ALOX5: variants seen among roughly 807,000 people sequenced by gnomAD.
The protein encoded by ALOX5 is polyunsaturated fatty acid 5-lipoxygenase.
ALOX5 carries 64 observed loss-of-function variants against 87.9 expected under a neutral mutation model. The observed-to-expected ratio is 0.73, with a 90% CI of 0.60 to 0.90. ALOX5 has a LOEUF of 0.90. Among genes scored for constraint, ALOX5 ranks in the 40% least tolerant of loss-of-function variants. ALOX5 has a pLI of 0.00. For synonymous variants in ALOX5, 388 were observed against 355.1 expected (o/e 1.09, Z -1.04); for missense variants, 822 against 907.5 (o/e 0.91, Z 1.21).
rs150080315 is a variant in ALOX5, at chr10:45,395,546, G to A, written c.350-309G>A. On this transcript the variant is annotated intron_variant, in intron 2 of 13. Coordinates refer to ENST00000374391, the MANE Select transcript of ALOX5 (RefSeq NM_000698.5). Reference sequence around the variant, plus strand: ...GGTGCAGCACACCAACATGACACATGTATACATATGTAACAAACCTGCACG... The same window carrying A: ...GGTGCAGCACACCAACATGACACATATATACATATGTAACAAACCTGCACG... Among the ~76,000 whole-genome samples, 59 of 151,856 alleles carry A rather than the reference G, an allele frequency of 3.9e-4. No individual in the cohort carries two copies. In the East Asian group the frequency reaches 0.011, roughly 28 times the overall value.
At chr10:45,392,724 AAG>A (rs367759275) in intron 2 of ALOX5, among the ~76,000 whole-genome samples, 3,324 of 151,848 alleles carry the variant, frequency 0.022, 113 homozygotes, top group African/African-American at 0.076. Flanking sequence ...AGAAAAAAAA[AAG>A]AAGAGAAGAA....
chr10:45,406,589 C>T (rs1840894727), intron 3 of ALOX5, among the ~76,000 whole-genome samples: 1 of 152,216 alleles, frequency 6.6e-6, no homozygotes, highest in African/African-American at 2.4e-5. Context: ...GCAGGTCCTT[C>T]ACCTTTCTAG....
chr10:45,380,780 G>A (rs1240479038), intron 1 of ALOX5, among the ~76,000 whole-genome samples: 1 of 152,074 alleles, frequency 6.6e-6, no homozygotes, highest in East Asian at 1.9e-4. Flanking sequence ...TGTCTCTACT[G>A]AAAATACAAA....
chr10:45,443,683 G>A, intron 11 of ALOX5, 45 bp from the exon 12 acceptor site: 1 of 1,597,218 alleles, frequency 6.3e-7, no homozygotes, highest in Non-Finnish European at 8.5e-7. Flanking sequence ...CGGGCCCTGG[G>A]GTCCTCAGGG....
At chr10:45,411,634 G>C (rs988895384) in intron 3 of ALOX5, among the ~76,000 whole-genome samples, 2 of 152,204 alleles carry the variant, frequency 1.3e-5, no homozygotes, top group African/African-American at 4.8e-5. Context: ...AGGTGAGAGA[G>C]GGAAGCCTTT....
chr10:45,426,989 C>A (rs536897011), intron 6 of ALOX5, among the ~76,000 whole-genome samples: 1 of 152,298 alleles, frequency 6.6e-6, no homozygotes, highest in African/African-American at 2.4e-5. Flanking sequence ...CCAGTGCCCA[C>A]GGCCAGGAGA....
chr10:45,441,589 C>G, intron 9 of ALOX5, 159 bp downstream of exon 9: 1 of 666,788 alleles, frequency 1.5e-6, no homozygotes, highest in Non-Finnish European at 2.5e-6. Context: ...GTCTCCAGCC[C>G]GTGCCATTCA....
At chr10:45,381,752 T>C (rs1006857668) in intron 1 of ALOX5, among the ~76,000 whole-genome samples, 2 of 152,254 alleles carry the variant, frequency 1.3e-5, no homozygotes, top group Admixed American at 6.5e-5. Flanking sequence ...GCTCACTGGA[T>C]TCTCTCTCCT....
chr10:45,414,078 G>A (rs897336503), intron 4 of ALOX5, among the ~76,000 whole-genome samples: 2 of 152,064 alleles, frequency 1.3e-5, no homozygotes, highest in Admixed American at 6.6e-5. Context: ...ACAGAATTGG[G>A]AAAAACTACT....
At chr10:45,386,312 A>T (rs955826043) in intron 2 of ALOX5, among the ~76,000 whole-genome samples, 1 of 151,702 alleles carries the variant, frequency 6.6e-6, no homozygotes, top group Non-Finnish European at 1.5e-5. Flanking sequence ...AAAAAAAAAA[A>T]AAAATTAGCC....
chr10:45,408,580 C>T (rs1182904777), intron 3 of ALOX5, among the ~76,000 whole-genome samples: 1 of 152,070 alleles, frequency 6.6e-6, no homozygotes, highest in Non-Finnish European at 1.5e-5. Context: ...CTTAAAGAGT[C>T]TGTTCTAATG....
chr10:45,441,358 C>T lies in ALOX5; in HGVS notation c.1200C>T (p.His400=), dbSNP rs747203648. 2.7e-5 allele frequency: 43 copies of T among 1,613,622 alleles called. No homozygotes were observed. Among genetic ancestry groups the T allele is most frequent in the Non-Finnish European group, 3.2e-5 (38 of 1,179,676 alleles). The change falls in exon 9 of 14, where the codon CAC becomes CAT. Residue 400 remains histidine (H), a synonymous_variant. Coordinates refer to ENST00000374391, the MANE Select transcript of ALOX5 (RefSeq NM_000698.5). ...VHPIFKLLVA[H]VRFTIAINTK... Reference sequence around the variant, plus strand: ...CCCCTCCCCAGCTGCTGGTGGCACACGTGAGATTCACCATTGCAATCAACA... The same window carrying T: ...CCCCTCCCCAGCTGCTGGTGGCACATGTGAGATTCACCATTGCAATCAACA...
At chr10:45,382,349 G>T in intron 1 of ALOX5, 134 bp from the exon 2 acceptor site, 1 of 901,154 alleles carries the variant, frequency 1.1e-6, no homozygotes, top group East Asian at 2.6e-5. Flanking sequence ...TGCACCTGCT[G>T]TTTTTTTAAG....
At chr10:45,434,767 C>T (rs1326321914) in intron 7 of ALOX5, among the ~76,000 whole-genome samples, 1 of 152,120 alleles carries the variant, frequency 6.6e-6, no homozygotes. Flanking sequence ...GTGAGCAAAA[C>T]AAAGAGACAG....
At chr10:45,417,795 A>G (rs547653145) in intron 4 of ALOX5, among the ~76,000 whole-genome samples, 1 of 152,288 alleles carries the variant, frequency 6.6e-6, no homozygotes, top group Non-Finnish European at 1.5e-5. Flanking sequence ...AGGGCTTTGC[A>G]GAGCATCTCT....
intron 2 of ALOX5, among the ~76,000 whole-genome samples, chr10:45,392,315 G>A (rs527930117): frequency 4.0e-5 from 6 of 151,856 alleles, no homozygotes; most frequent in South Asian, 2.1e-4. Flanking sequence ...TGCTGTGTCT[G>A]TGTAGAAAGA....
rs959200636 is a variant in ALOX5 at position 45,444,141 on chromosome 10, A to G, written c.1700A>G (p.Asn567Ser). The G allele has an allele frequency of 3.2e-6, 5 of 1,549,588 alleles. No individual in the cohort carries two copies. The highest frequency in any genetic ancestry group is 4.4e-6 in the Non-Finnish European group (5 of 1,145,932). The change falls in exon 13 of 14, where the codon AAT (asparagine) becomes AGT (serine). Residue 567 changes from asparagine to serine, a missense_variant. By Grantham distance (46) the Asn-to-Ser change is conservative. Coordinates refer to ENST00000374391, the MANE Select transcript of ALOX5 (RefSeq NM_000698.5). ...TACGACTGGTGCTCCTGGATCCCCAATGCGCCCCCAACCATGCGAGCCCCG... is the reference window on the plus strand; with the variant it reads ...TACGACTGGTGCTCCTGGATCCCCAGTGCGCCCCCAACCATGCGAGCCCCG... ...GQYDWCSWIP[N>S]APPTMRAPPP...
chr10:45,429,542 T>TA (rs1038033182), intron 7 of ALOX5, among the ~76,000 whole-genome samples: 1 of 152,240 alleles, frequency 6.6e-6, no homozygotes. Flanking sequence ...ATTCTAAATC[T>TA]AAAAAATCTG....
chr10:45,432,736 A>G (rs1251914826), intron 7 of ALOX5, among the ~76,000 whole-genome samples: 1 of 152,238 alleles, frequency 6.6e-6, no homozygotes, highest in African/African-American at 2.4e-5. Context: ...ATTTAGAAAA[A>G]CTAATTACGC....
Sources: allele counts gnomAD v4.1 joint callset (sites outside exome capture counted in the v4.1 genomes callset), GRCh38; gene constraint gnomAD v4.1.1; transcripts MANE v1.5; gene names NCBI Gene and HGNC (gene_info 2026-07-23, HGNC 2026-07-21).